The following DAD1 variants were observed in gnomAD, a reference collection of about 807,000 sequenced individuals.
DAD1 encodes the protein dolichyl-diphosphooligosaccharide--protein glycosyltransferase subunit DAD1.
Under a neutral mutation model 9.0 loss-of-function variants are expected in DAD1, and 4 were observed. That is an observed-to-expected ratio of 0.44 (90% CI 0.22 to 1.01). The LOEUF (loss-of-function observed/expected upper bound fraction) is 1.01, where lower values mean the gene tolerates loss of function less well. Among genes scored for constraint, DAD1 ranks in the 50% least tolerant of loss-of-function variants. The probability of loss-of-function intolerance (pLI) is 0.24; values close to 1 mark genes in which losing one functional copy is unlikely to be tolerated. For missense variants in DAD1, 119 were observed against 137.3 expected (o/e 0.87, Z 0.67); for synonymous variants, 60 against 62.5 (o/e 0.96, Z 0.19).
intron 1 of DAD1, among the ~76,000 whole-genome samples, chr14:22,583,244 A>G (rs2037130113): frequency 6.6e-6 from 1 of 152,196 alleles, no homozygotes; most frequent in Non-Finnish European, 1.5e-5. Flanking sequence ...AAGTTTATCT[A>G]TTTAAAAAAA....
At chr14:22,581,898 C>G (rs1043979103) in intron 1 of DAD1, among the ~76,000 whole-genome samples, 2 of 151,900 alleles carry the variant, frequency 1.3e-5, no homozygotes, top group East Asian at 3.9e-4. Context: ...TATAATGGTT[C>G]GCAAGGTTAA....
chr14:22,585,959 C>T (rs2037148960), intron 1 of DAD1, among the ~76,000 whole-genome samples: 1 of 152,220 alleles, frequency 6.6e-6, no homozygotes, highest in South Asian at 2.1e-4. Flanking sequence ...GTAATCCCAA[C>T]ACTTTAGGAG....
chr14:22,570,230 C>CA (rs1340927951), intron 2 of DAD1, among the ~76,000 whole-genome samples: 6 of 151,856 alleles, frequency 4.0e-5, no homozygotes, highest in African/African-American at 7.2e-5. Flanking sequence ...TAGAACAAAC[C>CA]AAAAAAAGAA....
intron 1 of DAD1, among the ~76,000 whole-genome samples, chr14:22,580,139 A>AG (rs2139243987): frequency 6.6e-6 from 1 of 152,212 alleles, no homozygotes; most frequent in South Asian, 2.1e-4. Context: ...TCACTTGGCC[A>AG]GGGCATGGTG....
intron 1 of DAD1, among the ~76,000 whole-genome samples, chr14:22,576,803 T>C (rs903761756): frequency 6.6e-6 from 1 of 152,142 alleles, no homozygotes. Flanking sequence ...GATTTTAAAA[T>C]GGGCAAAGGA....
At chr14:22,565,242 C>T (rs2139233452) in intron 2 of DAD1, 105 bp from the exon 3 acceptor site, 1 of 628,592 alleles carries the variant, frequency 1.6e-6, no homozygotes, top group East Asian at 2.8e-5. Flanking sequence ...GGGGTTCCCA[C>T]ACTCAGGACA....
chr14:22,588,870 GAT>G, intron 1 of DAD1, 75 bp downstream of exon 1: 4 of 1,440,066 alleles, frequency 2.8e-6, no homozygotes, highest in Non-Finnish European at 3.8e-6. Flanking sequence ...GCGGTGGTCT[GAT>G]ATAGAGTACT....
chr14:22,565,429 A>C (rs2036996293), intron 2 of DAD1, among the ~76,000 whole-genome samples: 1 of 150,402 alleles, frequency 6.6e-6, no homozygotes, highest in African/African-American at 2.5e-5. Flanking sequence ...AATTAGCCGC[A>C]AGACTTCACA....
chr14:22,574,369 T>C (rs2037063199), intron 2 of DAD1, among the ~76,000 whole-genome samples: 1 of 152,120 alleles, frequency 6.6e-6, no homozygotes, highest in Non-Finnish European at 1.5e-5. Flanking sequence ...CCATATGTGA[T>C]GAAGGCCAAG....
At chr14:22,579,467 C>T (rs2037100375) in intron 1 of DAD1, among the ~76,000 whole-genome samples, 1 of 152,152 alleles carries the variant, frequency 6.6e-6, no homozygotes, top group South Asian at 2.1e-4. Flanking sequence ...CATGGAAGCA[C>T]CATTGATCCT....
chr14:22,570,339 C>T (rs994817226), intron 2 of DAD1, among the ~76,000 whole-genome samples: 30 of 152,108 alleles, frequency 2.0e-4, no homozygotes, highest in African/African-American at 6.3e-4. Context: ...AATCTAGGGC[C>T]ACTTTAGGGT....
intron 2 of DAD1, among the ~76,000 whole-genome samples, chr14:22,569,078 G>C (rs1451527673): frequency 6.6e-6 from 1 of 151,754 alleles, no homozygotes; most frequent in Non-Finnish European, 1.5e-5. Flanking sequence ...TTTTTCTTTC[G>C]TACCACTTTC....
At chr14:22,588,362 C>G (rs2037168137) in intron 1 of DAD1, among the ~76,000 whole-genome samples, 1 of 152,044 alleles carries the variant, frequency 6.6e-6, no homozygotes, top group Non-Finnish European at 1.5e-5. Context: ...TTACCAAATC[C>G]TGGAATCAAA....
chr14:22,571,648 T>TA (rs1279184770), intron 2 of DAD1, among the ~76,000 whole-genome samples: 10 of 140,068 alleles, frequency 7.1e-5, no homozygotes, highest in African/African-American at 2.7e-4. Context: ...TTTTTTTTTT[T>TA]AGAAAACAGA....
chr14:22,577,369 G>A (rs1345319415), intron 1 of DAD1, among the ~76,000 whole-genome samples: 1 of 152,210 alleles, frequency 6.6e-6, no homozygotes. Flanking sequence ...AGGAGGTGGA[G>A]GCTGCAGTGA....
rs1001038266 is a variant in DAD1 at position 22,588,933 on chromosome 14, T to A, written c.211+14A>T. 1.2e-6 allele frequency: 2 copies of A among 1,613,390 alleles called. No homozygotes were observed. The highest frequency in any genetic ancestry group is 3.3e-4 in the Middle Eastern group (2 of 6,060). ...GTAACACATTATTATTATGATCACT[T>A]ATAGAACCATTACCCGCTAGGATGA... On this transcript the variant is annotated intron_variant, in intron 1 of 2. Coordinates refer to ENST00000250498, the MANE Select transcript of DAD1 (RefSeq NM_001344.4).
intron 2 of DAD1, among the ~76,000 whole-genome samples, chr14:22,572,572 T>C (rs554871597): frequency 3.4e-4 from 52 of 152,242 alleles, no homozygotes; most frequent in Non-Finnish European, 6.6e-4. Flanking sequence ...GCTGAGCAGG[T>C]GGTCCTAGGT....
intron 1 of DAD1, among the ~76,000 whole-genome samples, chr14:22,578,525 C>T (rs900285088): frequency 4.6e-5 from 7 of 152,206 alleles, no homozygotes; most frequent in Non-Finnish European, 7.3e-5. Context: ...CGAGATTGCG[C>T]CACTGCACTC....
intron 2 of DAD1, among the ~76,000 whole-genome samples, chr14:22,566,311 A>AT (rs2037001556): frequency 6.6e-6 from 1 of 152,012 alleles, no homozygotes; most frequent in Non-Finnish European, 1.5e-5. Flanking sequence ...CTCTGGCAAT[A>AT]GACTATCAGC....
Sources: gnomAD v4.1 joint callset for allele counts (sites outside exome capture counted in the v4.1 genomes callset) on GRCh38, gnomAD v4.1.1 for gene constraint, MANE v1.5 for transcripts, NCBI Gene and HGNC (gene_info 2026-07-23, HGNC 2026-07-21) for gene names.